Variants in FKBP1A observed in about 807,000 individuals in gnomAD.
The protein encoded by FKBP1A is peptidyl-prolyl cis-trans isomerase FKBP1A.
In FKBP1A, 5 loss-of-function variants were observed where a neutral mutation model predicts 14.2. That is an observed-to-expected ratio of 0.35 (90% CI 0.18 to 0.74). FKBP1A has a LOEUF of 0.74. Ranked by LOEUF, FKBP1A falls within the 30% of genes least tolerant of loss-of-function variation. The probability of loss-of-function intolerance (pLI) is 0.56; values close to 1 mark genes in which losing one functional copy is unlikely to be tolerated. For synonymous variants in FKBP1A, 42 were observed against 49.1 expected (o/e 0.86, Z 0.60); for missense variants, 53 against 138.8 (o/e 0.38, Z 3.10).
intron 2 of FKBP1A, chr20:1,378,452 T>C (rs1374026223): frequency 6.6e-6 from 1 of 152,280 alleles, no homozygotes; most frequent in Non-Finnish European, 1.5e-5. Flanking sequence ...CTATATATAA[T>C]GGATACATGC....
chr20:1,379,243 G>A lies in FKBP1A; in HGVS notation c.86-3640C>T, dbSNP rs1371805444. On this transcript the variant is annotated intron_variant, in intron 2 of 4. Coordinates refer to ENST00000400137, the MANE Select transcript of FKBP1A (RefSeq NM_000801.5). This position sits in a 1 kb window ranked among gnomAD's most constrained non-coding sequence, Gnocchi z 4.3. Reference sequence around the variant, plus strand: ...CAAATGCAATGCCAAGCAACCTCCAGACACTACATGCATCAATGTATCAAT... The same window carrying A: ...CAAATGCAATGCCAAGCAACCTCCAAACACTACATGCATCAATGTATCAAT... Among the ~76,000 whole-genome samples the A allele has an allele frequency of 6.6e-6, 1 of 152,146 alleles. No individual in the cohort carries two copies. Among genetic ancestry groups the A allele is most frequent in the Non-Finnish European group, 1.5e-5 (1 of 68,026 alleles).
At chr20:1,371,998 C>G (rs2089471655) in intron 4 of FKBP1A, 78 bp downstream of exon 4, 1 of 1,540,358 alleles carries the variant, frequency 6.5e-7, no homozygotes, top group South Asian at 1.3e-5. Context: ...TTTGTTCTCT[C>G]TGCTACCCAT....
At chr20:1,380,855 CA>C (rs2089609688) in intron 2 of FKBP1A, among the ~76,000 whole-genome samples, 1 of 152,188 alleles carries the variant, frequency 6.6e-6, no homozygotes, top group Non-Finnish European at 1.5e-5. Flanking sequence ...CTCCAACTTT[CA>C]GAGATGAAAA....
chr20:1,378,292 C>T (rs1205641778), intron 2 of FKBP1A: 2 of 152,208 alleles, frequency 1.3e-5, no homozygotes, highest in African/African-American at 4.8e-5. Flanking sequence ...CCTCAAGACT[C>T]ATGTTCTGAG....
At chr20:1,391,469 G>A (rs954454200) in intron 2 of FKBP1A, 1 of 389,762 alleles carries the variant, frequency 2.6e-6, no homozygotes, top group African/African-American at 2.1e-5. Flanking sequence ...TCCCCAGAAA[G>A]ATGGGTTTCA....
chr20:1,378,372 G>A (rs2089576391), intron 2 of FKBP1A: 1 of 152,842 alleles, frequency 6.5e-6, no homozygotes. Context: ...CCAGGAGTCA[G>A]GGGTAGAGGG....
chr20:1,372,317 C>T (rs2089476803), intron 3 of FKBP1A, 77 bp from the exon 4 acceptor site: 2 of 1,503,982 alleles, frequency 1.3e-6, no homozygotes, highest in Non-Finnish European at 1.8e-6. Context: ...AGCTGTTTAC[C>T]TAGGTGTTCC....
Position 1,379,120 on chromosome 20 carries a change from T to C in FKBP1A, c.86-3517A>G, listed in dbSNP as rs1309808112. Among the ~76,000 whole-genome samples, 1 of 152,022 alleles carries C rather than the reference T, an allele frequency of 6.6e-6. No homozygotes were observed. Among genetic ancestry groups the C allele is most frequent in the Non-Finnish European group, 1.5e-5 (1 of 68,028 alleles). On this transcript the variant is annotated intron_variant, in intron 2 of 4. Coordinates refer to ENST00000400137, the MANE Select transcript of FKBP1A (RefSeq NM_000801.5). The surrounding 1 kb of genome is among the most constrained non-coding windows in gnomAD (Gnocchi z 4.3). ...AAATTAGCCTTATTTCTTGCCAAAC[T>C]TGAACACGGCTCTGACCTGTGCAAG... is the stretch of plus-strand genomic sequence containing the variant.
At chr20:1,383,997 C>T (rs1200808542) in intron 2 of FKBP1A, among the ~76,000 whole-genome samples, 2 of 152,160 alleles carry the variant, frequency 1.3e-5, no homozygotes, top group East Asian at 3.9e-4. Flanking sequence ...TCTTATTAGA[C>T]ACAGAAGTTC....
At chr20:1,384,163 G>C (rs1393555320) in intron 2 of FKBP1A, among the ~76,000 whole-genome samples, 1 of 152,280 alleles carries the variant, frequency 6.6e-6, no homozygotes, top group East Asian at 1.9e-4. Context: ...ACAAAGGGAG[G>C]AGTGGTTAGC....
At chr20:1,391,562 C>T in intron 2 of FKBP1A, 1 of 397,814 alleles carries the variant, frequency 2.5e-6, no homozygotes, top group Non-Finnish European at 4.4e-6. Context: ...CGGGGAAGGG[C>T]CACAGAAATA....
intron 3 of FKBP1A, among the ~76,000 whole-genome samples, chr20:1,372,742 CA>C (rs1357327764): frequency 6.6e-6 from 1 of 152,020 alleles, no homozygotes. Flanking sequence ...AGGAAAACTT[CA>C]AAAAAGACAA....
intron 2 of FKBP1A, chr20:1,378,568 T>C (rs1224272116): frequency 1.3e-5 from 2 of 152,090 alleles, no homozygotes; most frequent in African/African-American, 2.4e-5. Context: ...GGTTCGTCAA[T>C]TGCAACACAC....
chr20:1,375,885 A>T, intron 2 of FKBP1A, among the ~76,000 whole-genome samples: 1 of 152,064 alleles, frequency 6.6e-6, no homozygotes, highest in Non-Finnish European at 1.5e-5. Context: ...GGAGATGGGG[A>T]GTATAAACTT....
At chr20:1,389,132 GCTT>G (rs1318761976) in intron 2 of FKBP1A, among the ~76,000 whole-genome samples, 12 of 152,124 alleles carry the variant, frequency 7.9e-5, no homozygotes, top group African/African-American at 2.9e-4. Flanking sequence ...TCTCTCCAGC[GCTT>G]CTTACTACCT....
rs537183856 is a variant in FKBP1A at position 1,370,333 on chromosome 20, C to T, written c.*37-261G>A. On this transcript the variant is annotated intron_variant, in intron 4 of 4. Transcript: ENST00000400137. ...TGCCTTGCTGAGGACAGCAGGAGGG[C>T]TAGCCACCCATGCTGCTGACAATAC... 1.3e-5 allele frequency: 13 copies of T among 985,438 alleles called. No homozygotes were observed. The East Asian group carries it at 6.8e-4, about 52-fold the overall frequency. 61.0% of individuals were successfully genotyped at this position (985,438 alleles called of 1,614,324 possible).
intron 3 of FKBP1A, chr20:1,375,273 G>A (rs2089525266): frequency 3.4e-6 from 2 of 594,168 alleles, no homozygotes; most frequent in South Asian, 4.2e-5. Context: ...CAGTATGTGT[G>A]TGAAAGCAAG....
At chr20:1,381,668 C>T (rs1308427140) in intron 2 of FKBP1A, among the ~76,000 whole-genome samples, 1 of 152,148 alleles carries the variant, frequency 6.6e-6, no homozygotes, top group East Asian at 1.9e-4. Context: ...AAACTATAAA[C>T]TAACCCAAAC....
At chr20:1,370,877 G>A in intron 4 of FKBP1A, 1 of 985,474 alleles carries the variant, frequency 1.0e-6, no homozygotes, top group Non-Finnish European at 1.2e-6. Flanking sequence ...GCAGACCTCT[G>A]GGCAGACAAA....
Sources: gnomAD v4.1 joint callset for allele counts (sites outside exome capture counted in the v4.1 genomes callset) on GRCh38, gnomAD v4.1.1 for gene constraint, Gnocchi (gnomAD v3.1) non-coding constraint, MANE v1.5 for transcripts, NCBI Gene and HGNC (gene_info 2026-07-23, HGNC 2026-07-21) for gene names.